Variants in ADAR observed in about 807,000 individuals in gnomAD.
ADAR encodes double-stranded RNA-specific adenosine deaminase.
Under a neutral mutation model 113.2 loss-of-function variants are expected in ADAR, and 41 were observed. The ratio of observed to expected loss-of-function variants is 0.36; its 90% CI spans 0.28 to 0.47. The LOEUF (loss-of-function observed/expected upper bound fraction) is 0.47, where lower values mean the gene tolerates loss of function less well. Ranked by LOEUF, ADAR falls within the 20% of genes least tolerant of loss-of-function variation. ADAR has a pLI of 1.00. For missense variants in ADAR, 1,242 were observed against 1,540.9 expected (o/e 0.81, Z 3.25); for synonymous variants, 605 against 572.6 (o/e 1.06, Z -0.81).
intron 1 of ADAR, among the ~76,000 whole-genome samples, chr1:154,622,206 G>A: frequency 6.6e-6 from 1 of 152,110 alleles, no homozygotes; most frequent in East Asian, 1.9e-4. Flanking sequence ...GGCTGCGTTT[G>A]GGTGAAGACC....
At chr1:154,589,529 A>G in intron 8 of ADAR, 67 bp from the exon 9 acceptor site, 2 of 1,438,496 alleles carry the variant, frequency 1.4e-6, no homozygotes, top group Non-Finnish European at 2.0e-6. Flanking sequence ...GATGAAGGCT[A>G]TTTGTTCTGA....
At chr1:154,585,399 C>A in intron 13 of ADAR, 55 bp from the exon 14 acceptor site, 1 of 1,612,674 alleles carries the variant, frequency 6.2e-7, no homozygotes, top group South Asian at 1.1e-5. Flanking sequence ...GAATAAGATT[C>A]TGAAGCAGGG....
Position 154,588,543 on chromosome 1 carries a change from G to A in ADAR, c.2885+8C>T. ...GCCCACCCTGGCAGCAACAGGAACT[G>A]TACAGACCTGATATACAGATGGAAT... On this transcript the variant is annotated splice_region_variant and intron_variant, in intron 10 of 14. Transcript: ENST00000368474. The A allele has an allele frequency of 1.2e-6, 2 of 1,613,694 alleles. No homozygotes were observed. The highest frequency in any genetic ancestry group is 1.7e-6 in the Non-Finnish European group (2 of 1,180,024).
chr1:154,590,920 C>G (rs1031435903), intron 6 of ADAR, among the ~76,000 whole-genome samples: 1 of 152,042 alleles, frequency 6.6e-6, no homozygotes, highest in Non-Finnish European at 1.5e-5. Context: ...TATCACTGCA[C>G]TCCAGCCTGC....
At position 154,601,176 on chromosome 1, in the gene ADAR, C is replaced by T. The variant is rs751656552; in HGVS notation, c.1466G>A (p.Arg489Gln). ...TGTCAGTTTCTTGTAGGGTGAACAC[C>T]GTGGCAAGCCATGACTGTAGAAGGA... Reference protein sequence around the residue: ...MPSFYSHGLPRCSPYKKLTEC... With the variant: ...MPSFYSHGLPQCSPYKKLTEC... The change falls in exon 2 of 15, where the codon CGG becomes CAG. Residue 489 changes from arginine (R) to glutamine (Q), a missense_variant. Transcript: ENST00000368474. This position sits in a 1 kb window ranked among gnomAD's most constrained non-coding sequence, Gnocchi z 4.7. The T allele has an allele frequency of 3.2e-5, 52 of 1,614,072 alleles. No individual in the cohort carries two copies. The highest frequency in any genetic ancestry group is 4.5e-5 in the East Asian group (2 of 44,892).
At chr1:154,593,163 A>T (rs955050151) in intron 6 of ADAR, among the ~76,000 whole-genome samples, 1 of 151,178 alleles carries the variant, frequency 6.6e-6, no homozygotes, top group Non-Finnish European at 1.5e-5. Flanking sequence ...AAAACAGAAA[A>T]GAAGTCATAA....
Position 154,601,304 on chromosome 1 carries a change from A to G in ADAR, c.1338T>C (p.Tyr446=), listed in dbSNP as rs753283278. 6 of 1,614,234 alleles carry G rather than the reference A, an allele frequency of 3.7e-6. No homozygotes were observed. The highest frequency in any genetic ancestry group is 5.1e-6 in the Non-Finnish European group (6 of 1,180,044). Residue 446 remains tyrosine, a synonymous_variant, in exon 2 of 15, where the codon TAT becomes TAC. Transcript: ENST00000368474. The surrounding 1 kb of genome is among the most constrained non-coding windows in gnomAD (Gnocchi z 4.7). ...CCCACTGGCCATTTTCAAAGTCAAC[A>G]TACCCTGCTTTTGAGGGGCCATTGT... The part of the protein sequence containing the change: ...VHYNGPSKAG[Y]VDFENGQWAT...
chr1:154,627,913 G>GGCCCCCCCCCCCCCCCCCC, exon 1 of ADAR: 2 of 517,158 alleles, frequency 3.9e-6, no homozygotes, highest in Non-Finnish European at 7.7e-6. Context: ...GTGCGGCCGC[G>GGCCCCCCCCCCCCCCCCCC]ACCCTCCCCC....
At chr1:154,626,135 T>TG (rs1265074887) in intron 1 of ADAR, among the ~76,000 whole-genome samples, 18 of 151,494 alleles carry the variant, frequency 1.2e-4, no homozygotes, top group Admixed American at 7.9e-4. Context: ...TTTTTTTTTT[T>TG]GAGATACAGT....
At chr1:154,600,997 C>A (rs1165555268) in intron 2 of ADAR, 44 bp downstream of exon 2, 2 of 1,613,092 alleles carry the variant, frequency 1.2e-6, no homozygotes, top group South Asian at 2.2e-5. Flanking sequence ...GGAGCAAAAG[C>A]ACCTGACCCC....
intron 1 of ADAR, among the ~76,000 whole-genome samples, chr1:154,615,768 T>G (rs1698618275): frequency 6.6e-6 from 1 of 152,162 alleles, no homozygotes; most frequent in Non-Finnish European, 1.5e-5. Flanking sequence ...CCAACAGAAT[T>G]AGAGCTTTTA....
chr1:154,593,130 A>G (rs1403077735), intron 6 of ADAR, among the ~76,000 whole-genome samples: 5 of 59,684 alleles, frequency 8.4e-5, no homozygotes, highest in Admixed American at 2.5e-4. Flanking sequence ...GTGAGACTCC[A>G]TCTCCAAAAA....
intron 11 of ADAR, 80 bp from the exon 12 acceptor site, chr1:154,586,443 C>T: frequency 4.3e-6 from 6 of 1,399,564 alleles, no homozygotes; most frequent in Non-Finnish European, 6.0e-6. Flanking sequence ...CCTCCTTAAG[C>T]TTGGGCCACA....
chr1:154,586,049 CAA>C (rs1319400035), intron 12 of ADAR, 130 bp downstream of exon 12: 3 of 1,294,086 alleles, frequency 2.3e-6, no homozygotes, highest in African/African-American at 1.5e-5. Context: ...ACTGGACACT[CAA>C]TCAATTACTG....
At position 154,584,973 on chromosome 1, in the gene ADAR, G is replaced by C; in HGVS notation, c.3514C>G (p.Arg1172Gly). ...FLLFKKLCSF[R>G]YRRDLLRLSY... The stretch of plus-strand genomic sequence containing the variant: ...AGTCTCAGTAGATCCCTGCGGTAAC[G>C]GAAGGAGCAGAGCTTCTTAAATAGA... The change falls in exon 15 of 15, where the codon CGT (arginine) becomes GGT (glycine). Residue 1172 changes from arginine (R) to glycine (G), a missense_variant. Transcript: ENST00000368474. 6.2e-7 allele frequency: 1 copy of C among 1,614,172 alleles called. No individual in the cohort carries two copies. The highest frequency in any genetic ancestry group is 8.5e-7 in the Non-Finnish European group (1 of 1,180,038).
chr1:154,618,177 C>T (rs941148072), intron 1 of ADAR, among the ~76,000 whole-genome samples: 4 of 148,124 alleles, frequency 2.7e-5, no homozygotes, highest in Admixed American at 1.3e-4. Context: ...TTAAGAATAC[C>T]ATATTCTTAA....
chr1:154,596,334 C>T (rs1697492140), intron 6 of ADAR, among the ~76,000 whole-genome samples: 1 of 136,150 alleles, frequency 7.3e-6, no homozygotes, highest in Non-Finnish European at 1.6e-5. Context: ...CCTCCGCCTC[C>T]CAGCTTCAAT....
intron 6 of ADAR, among the ~76,000 whole-genome samples, chr1:154,590,728 A>ATT (rs1174844836): frequency 2.6e-5 from 4 of 151,808 alleles, no homozygotes; most frequent in African/African-American, 9.7e-5. Flanking sequence ...CCAGGAGTTC[A>ATT]AGACCAGCCT....
At chr1:154,604,404 T>C (rs1315028440) in intron 1 of ADAR, among the ~76,000 whole-genome samples, 1 of 152,218 alleles carries the variant, frequency 6.6e-6, no homozygotes, top group Non-Finnish European at 1.5e-5. Context: ...CTGGATCTCA[T>C]GGTCAGTTCC....
Sources: allele counts gnomAD v4.1 joint callset (sites outside exome capture counted in the v4.1 genomes callset), GRCh38; gene constraint gnomAD v4.1.1; non-coding constraint Gnocchi (gnomAD v3.1); transcripts MANE v1.5; gene names NCBI Gene and HGNC (gene_info 2026-07-23, HGNC 2026-07-21).